Variants in MAF observed in about 807,000 individuals in gnomAD.
MAF encodes transcription factor Maf.
MAF carries 10 observed loss-of-function variants against 22.0 expected under a neutral mutation model. The observed-to-expected ratio is 0.45, with a 90% confidence interval of 0.28 to 0.77. The LOEUF is 0.77. Among genes scored for constraint, MAF ranks in the 30% least tolerant of loss-of-function variants. MAF has a pLI of 0.12. For missense variants in MAF, 544 were observed against 548.4 expected, an observed-to-expected ratio of 0.99 and a Z score of 0.08; for synonymous variants, 337 against 255.8, an observed-to-expected ratio of 1.32 and a Z score of -3.03.
the MAF span, among the ~76,000 whole-genome samples, chr16:79,277,176 G>A: frequency 1.1e-4 from 17 of 152,172 alleles, no homozygotes; most frequent in Admixed American, 9.8e-4. Context: ...ATGCTCCTTA[G>A]GCAGACGCCA....
the MAF span, among the ~76,000 whole-genome samples, chr16:79,579,098 GA>G: frequency 6.0e-5 from 9 of 150,798 alleles, no homozygotes; most frequent in Non-Finnish European, 7.4e-5. Flanking sequence ...TAGGGGGAAA[GA>G]AAAAAAAAGT....
At chr16:79,587,611 A>G (rs932508238) in intron 1 of MAF, among the ~76,000 whole-genome samples, 3 of 152,186 alleles carry the variant, frequency 2.0e-5, no homozygotes, top group Non-Finnish European at 4.4e-5. Context: ...TTTCAATTTT[A>G]GAAAATTATT....
chr16:79,275,156 GA>G, the MAF span, among the ~76,000 whole-genome samples: 1 of 152,078 alleles, frequency 6.6e-6, no homozygotes, highest in Non-Finnish European at 1.5e-5. Flanking sequence ...AGGAGTCTGA[GA>G]CCAGCTTGGC....
At chr16:79,412,304 T>C in the MAF span, among the ~76,000 whole-genome samples, 1 of 152,188 alleles carries the variant, frequency 6.6e-6, no homozygotes, top group South Asian at 2.1e-4. Flanking sequence ...ATTACCGTGG[T>C]ACCAGGTATG....
chr16:79,246,596 A>T, the MAF span, among the ~76,000 whole-genome samples: 1 of 151,978 alleles, frequency 6.6e-6, no homozygotes, highest in Non-Finnish European at 1.5e-5. Flanking sequence ...TTAATGAGAA[A>T]AGAGAAAAAA....
At chr16:79,300,352 C>T in the MAF span, among the ~76,000 whole-genome samples, 10 of 152,042 alleles carry the variant, frequency 6.6e-5, no homozygotes, top group South Asian at 2.1e-4. Context: ...GTCAGGAGTT[C>T]GAGACCAGCC....
the MAF span, among the ~76,000 whole-genome samples, chr16:79,308,890 G>A: frequency 6.6e-6 from 1 of 152,162 alleles, no homozygotes; most frequent in Non-Finnish European, 1.5e-5. Context: ...CTGGGAGACG[G>A]GAGAATATAG....
chr16:79,404,821 A>C, the MAF span, among the ~76,000 whole-genome samples: 1 of 152,156 alleles, frequency 6.6e-6, no homozygotes, highest in Non-Finnish European at 1.5e-5. Flanking sequence ...GTGGCAGCTA[A>C]TGAAGCAGCA....
the MAF span, among the ~76,000 whole-genome samples, chr16:79,358,739 C>T: frequency 6.6e-6 from 1 of 152,236 alleles, no homozygotes; most frequent in Non-Finnish European, 1.5e-5. Context: ...AGACTGTTGG[C>T]TTTATCATGA....
At chr16:79,585,996 T>A in intron 1 of MAF, 1 of 657,682 alleles carries the variant, frequency 1.5e-6, no homozygotes, top group Non-Finnish European at 2.7e-6. Flanking sequence ...CCACGAAGAA[T>A]GTTTCAAGAA....
At position 79,599,235 on chromosome 16, in the gene MAF, C is replaced by G; in HGVS notation, c.668G>C (p.Ser223Thr). The change falls in exon 1 of 2, where the codon AGC becomes ACC. Residue 223 changes from serine to threonine, a missense_variant. Ser to Thr is a moderately conservative substitution (Grantham distance 58). This residue lies in a region of MAF where 342 missense variants were observed against 315.5 expected (regional missense o/e 1.08). Coordinates refer to ENST00000326043, the MANE Select transcript of MAF (RefSeq NM_005360.5). ...AGGAGGGGPA[S>T]AGGGGGGGGG... The stretch of plus-strand genomic sequence containing the variant: ...GCCGCCGCCGCCGCCGCCCCCAGCG[C>G]TGGCCGGGCCACCGCCGCCCGCGCC... The G allele has an allele frequency of 1.0e-6, 1 of 978,424 alleles. No homozygotes were observed. The highest frequency in any genetic ancestry group is 1.2e-6 in the Non-Finnish European group (1 of 827,220). The allele number at this position is 978,424 out of a possible 1,614,324, so 60.6% of individuals were successfully genotyped here. A position where few individuals can be genotyped will look rare whatever the true frequency, so the allele number is the denominator to read the frequency against.
downstream of MAF, among the ~76,000 whole-genome samples, chr16:79,583,502 G>A (rs1191037689): frequency 6.6e-6 from 1 of 152,178 alleles, no homozygotes; most frequent in Non-Finnish European, 1.5e-5. Flanking sequence ...GCCCTGCCCT[G>A]AGACAACTCT....
chr16:79,374,666 C>T, the MAF span, among the ~76,000 whole-genome samples: 2 of 152,130 alleles, frequency 1.3e-5, no homozygotes, highest in African/African-American at 2.4e-5. Context: ...GAGACAGGTG[C>T]GTAATCAAGG....
chr16:79,537,948 A>C, the MAF span, among the ~76,000 whole-genome samples: 2 of 152,224 alleles, frequency 1.3e-5, no homozygotes, highest in Admixed American at 6.5e-5. Flanking sequence ...CAGACGCGTA[A>C]ACTGAATCTC....
At chr16:79,468,439 G>A in the MAF span, among the ~76,000 whole-genome samples, 1 of 152,220 alleles carries the variant, frequency 6.6e-6, no homozygotes, top group Admixed American at 6.5e-5. Flanking sequence ...CCTCTGGAGG[G>A]AGCCAAGTCC....
chr16:79,301,526 T>A, the MAF span, among the ~76,000 whole-genome samples: 1 of 152,208 alleles, frequency 6.6e-6, no homozygotes, highest in Non-Finnish European at 1.5e-5. Flanking sequence ...GGGATGAGAC[T>A]ACGTGAGGAT....
intron 1 of MAF, among the ~76,000 whole-genome samples, chr16:79,588,643 G>A (rs1438436495): frequency 2.0e-5 from 3 of 151,878 alleles, no homozygotes; most frequent in African/African-American, 7.3e-5. Context: ...TGTATTTTTA[G>A]TAGAGACCGG....
the MAF span, among the ~76,000 whole-genome samples, chr16:79,389,736 G>T: frequency 6.6e-6 from 1 of 151,784 alleles, no homozygotes; most frequent in South Asian, 2.1e-4. Flanking sequence ...CAGCACTTTG[G>T]GAGCCCGACG....
chr16:79,367,962 A>G, the MAF span, among the ~76,000 whole-genome samples: 2 of 152,188 alleles, frequency 1.3e-5, no homozygotes, highest in African/African-American at 4.8e-5. Context: ...ACTAGACCAG[A>G]CCAATCTGGG....
Sources: gnomAD v4.1 joint callset for allele counts (sites outside exome capture counted in the v4.1 genomes callset) on GRCh38, gnomAD v4.1.1 for gene constraint, gnomAD v4.1.1 regional missense constraint, MANE v1.5 for transcripts, NCBI Gene and HGNC (gene_info 2026-07-23, HGNC 2026-07-21) for gene names.